Variants in PPFIA1 observed in about 807,000 individuals in gnomAD.
PPFIA1 encodes PPFI scaffold protein A1, also known as liprin-alpha-1.
Under a neutral mutation model 149.9 loss-of-function variants are expected in PPFIA1, and 25 were observed. That is an observed-to-expected ratio of 0.17 (90% CI 0.12 to 0.23). PPFIA1 has a LOEUF of 0.23. PPFIA1 is among the 10% of genes least tolerant of loss of function. The pLI is 1.00. For missense variants in PPFIA1, 1,362 were observed against 1,506.5 expected, an observed-to-expected ratio of 0.90 and a Z score of 1.59; for synonymous variants, 549 against 552.8, an observed-to-expected ratio of 0.99 and a Z score of 0.10.
intron 2 of PPFIA1, among the ~76,000 whole-genome samples, chr11:70,316,484 A>G (rs56368270): frequency 0.14 from 21,357 of 152,318 alleles, 1,678 homozygotes; most frequent in African/African-American, 0.19. Context: ...AAACAGAGCT[A>G]TTGAAGGAGA....
intron 21 of PPFIA1, among the ~76,000 whole-genome samples, chr11:70,366,830 C>T (rs2056967003): frequency 6.6e-6 from 1 of 152,102 alleles, no homozygotes; most frequent in Non-Finnish European, 1.5e-5. Flanking sequence ...TTAGACTGTC[C>T]CCCCACCTTT....
At chr11:70,279,230 T>C in intron 2 of PPFIA1, 1 of 354,770 alleles carries the variant, frequency 2.8e-6, no homozygotes, top group East Asian at 6.4e-5. Context: ...GCAAATTGGC[T>C]CTCTTGTGAG....
intron 2 of PPFIA1, among the ~76,000 whole-genome samples, chr11:70,317,315 A>T (rs1408500595): frequency 2.6e-5 from 4 of 152,168 alleles, no homozygotes; most frequent in African/African-American, 9.7e-5. Flanking sequence ...TTGGGATCTT[A>T]AACTTTGGAA....
At chr11:70,356,107 CAT>C (rs1227793120) in intron 18 of PPFIA1, 52 bp from the exon 19 acceptor site, 1 of 1,376,954 alleles carries the variant, frequency 7.3e-7, no homozygotes, top group Non-Finnish European at 1.0e-6. Flanking sequence ...TTTATGAAAA[CAT>C]AGAGCTTTGT....
chr11:70,325,620 T>C, intron 5 of PPFIA1, 46 bp downstream of exon 5: 1 of 1,395,480 alleles, frequency 7.2e-7, no homozygotes, highest in Non-Finnish European at 1.0e-6. Context: ...GGGGGTTATT[T>C]TTATCCTTTA....
chr11:70,340,851 G>A (rs1454754208), intron 14 of PPFIA1: 1 of 359,746 alleles, frequency 2.8e-6, no homozygotes, highest in Non-Finnish European at 5.4e-6. Context: ...ATCTGGCAAG[G>A]CTGGAGCCAC....
intron 2 of PPFIA1, 60 bp from the exon 3 acceptor site, chr11:70,324,342 T>TG: frequency 1.5e-6 from 2 of 1,307,586 alleles, no homozygotes; most frequent in Non-Finnish European, 2.2e-6. Context: ...GGAGCCTTGA[T>TG]GAAAGGCTTT....
intron 2 of PPFIA1, among the ~76,000 whole-genome samples, chr11:70,313,976 C>G (rs1031342077): frequency 7.2e-5 from 11 of 152,164 alleles, no homozygotes; most frequent in Non-Finnish European, 2.9e-5. Flanking sequence ...CGTGATTGCC[C>G]CACTGCACTC....
chr11:70,324,414 C>G lies in PPFIA1; in HGVS notation c.277C>G (p.Leu93Val), dbSNP rs1403758377. 3 of 1,607,958 alleles carry G rather than the reference C, an allele frequency of 1.9e-6. No individual in the cohort carries two copies. Among genetic ancestry groups the G allele is most frequent in the Middle Eastern group, 1.7e-4 (1 of 6,028 alleles). Residue 93 changes from leucine to valine, a missense_variant, in exon 3 of 28, where the codon CTT becomes GTT. Transcript: ENST00000253925. ...NTALPQEFAALTKELNVCREQ... is the reference protein window; with the variant it reads ...NTALPQEFAAVTKELNVCREQ... ...TGTGATTTTCTAGGAGTTCGCAGCA[C>G]TTACTAAAGAACTCAATGTATGCAG... is the stretch of plus-strand genomic sequence containing the variant.
chr11:70,282,589 C>T (rs1194313813), intron 2 of PPFIA1, among the ~76,000 whole-genome samples: 5 of 118,784 alleles, frequency 4.2e-5, no homozygotes, highest in Non-Finnish European at 4.8e-5. Flanking sequence ...AGTGCAGTGG[C>T]GTGATCTCGG....
chr11:70,306,723 T>C (rs1565372388), intron 2 of PPFIA1, among the ~76,000 whole-genome samples: 6 of 152,122 alleles, frequency 3.9e-5, no homozygotes. Flanking sequence ...GATAAAAATG[T>C]GTTAGGATAG....
intron 2 of PPFIA1, among the ~76,000 whole-genome samples, chr11:70,281,106 C>T (rs1401275039): frequency 1.3e-5 from 2 of 152,102 alleles, no homozygotes; most frequent in Non-Finnish European, 2.9e-5. Flanking sequence ...TATGGGTCAC[C>T]TCCGGATCCA....
chr11:70,293,216 G>C (rs1227387246), intron 2 of PPFIA1, among the ~76,000 whole-genome samples: 2 of 152,168 alleles, frequency 1.3e-5, no homozygotes, highest in Non-Finnish European at 2.9e-5. Context: ...TCTGTTCCTA[G>C]CTCTTCCACG....
intron 2 of PPFIA1, among the ~76,000 whole-genome samples, chr11:70,274,060 G>A (rs2050248274): frequency 6.6e-6 from 1 of 152,118 alleles, no homozygotes; most frequent in Non-Finnish European, 1.5e-5. Flanking sequence ...CTAGTTCAGT[G>A]GATAACATGA....
In PPFIA1 at chr11:70,377,977, C is replaced by T. The variant is rs921059245; in HGVS notation, c.3385-53C>T. 5.7e-5 allele frequency: 81 copies of T among 1,412,950 alleles called. 1 individual carries two copies. In the South Asian group the frequency reaches 9.9e-4, roughly 17 times the overall value. 87.5% of individuals were successfully genotyped at this position (1,412,950 alleles called of 1,614,324 possible). A position where few individuals can be genotyped will look rare whatever the true frequency, so the allele number is the denominator to read the frequency against. The stretch of plus-strand genomic sequence containing the variant: ...TTTTAAAGGACATGTAACTTTACAT[C>T]TCTGACCTTTATTTTTTAAATGAAT... On this transcript the variant is annotated intron_variant, in intron 25 of 27. Coordinates refer to ENST00000253925, the MANE Select transcript of PPFIA1 (RefSeq NM_003626.5).
Position 70,355,814 on chromosome 11 carries a change from T to C in PPFIA1, c.2488+3T>C. ...TGGCAAAGAAGCATTAGGACAAGGT[T>C]GGTTGGTTTTCCGCACCCTTCTCAG... On this transcript the variant is annotated splice_donor_region_variant and intron_variant, in intron 18 of 27. Transcript: ENST00000253925. 6.2e-7 allele frequency: 1 copy of C among 1,605,782 alleles called. No homozygotes were observed. Among genetic ancestry groups the C allele is most frequent in the Non-Finnish European group, 8.5e-7 (1 of 1,177,056 alleles).
chr11:70,354,486 A>C lies in PPFIA1; in HGVS notation c.2315+34A>C, dbSNP rs746493761. The C allele has an allele frequency of 1.0e-5, 16 of 1,566,758 alleles. No individual in the cohort carries two copies. In the South Asian group the frequency reaches 1.9e-4, roughly 18 times the overall value. On this transcript the variant is annotated intron_variant, in intron 17 of 27. Transcript: ENST00000253925. ...CCTGCAGCAGCCCCATGCAGAGCGC[A>C]CCTGTCTTTTCGTTTCTGGTGTTGA...
At chr11:70,367,331 C>T (rs776855053) in intron 21 of PPFIA1, among the ~76,000 whole-genome samples, 6 of 152,134 alleles carry the variant, frequency 3.9e-5, no homozygotes, top group African/African-American at 1.2e-4. Flanking sequence ...CTTTGAGCTG[C>T]GCCGAGAGAC....
intron 2 of PPFIA1, among the ~76,000 whole-genome samples, chr11:70,317,264 T>C (rs1303596347): frequency 6.6e-6 from 1 of 152,186 alleles, no homozygotes; most frequent in African/African-American, 2.4e-5. Flanking sequence ...TATTTTTTTT[T>C]CTGCAATAAT....
Sources: allele counts gnomAD v4.1 joint callset (sites outside exome capture counted in the v4.1 genomes callset), GRCh38; gene constraint gnomAD v4.1.1; transcripts MANE v1.5; gene names NCBI Gene and HGNC (gene_info 2026-07-23, HGNC 2026-07-21).